Variants in ALPL observed in about 807,000 individuals in gnomAD.
The protein encoded by ALPL is alkaline phosphatase, tissue-nonspecific isozyme.
A neutral mutation model predicts 51.3 loss-of-function variants in ALPL; 42 were observed. The observed-to-expected ratio is 0.82, with a 90% confidence interval of 0.64 to 1.06. The LOEUF (loss-of-function observed/expected upper bound fraction) is 1.06, where lower values mean the gene tolerates loss of function less well. Among genes scored for constraint, ALPL ranks in the 50% least tolerant of loss-of-function variants. The pLI, the probability that ALPL is intolerant of heterozygous loss-of-function variation, is 0.00. For synonymous variants in ALPL, 279 were observed against 296.4 expected (o/e 0.94, Z 0.60); for missense variants, 589 against 709.4 (o/e 0.83, Z 1.93).
rs773092184 is a variant in ALPL at position 21,554,080 on chromosome 1, C to A, written c.-2C>A. The A allele has an allele frequency of 1.2e-6, 2 of 1,610,678 alleles. No individual in the cohort carries two copies. The highest frequency in any genetic ancestry group is 1.7e-6 in the Non-Finnish European group (2 of 1,178,158). ...GGGATAAAGCAGGTCTTGGGGTGCA[C>A]CATGATTTCACCATTCTTAGTACTG... On this transcript the variant is annotated 5_prime_UTR_variant, in exon 2 of 12. Coordinates refer to ENST00000374840, the MANE Select transcript of ALPL (RefSeq NM_000478.6).
intron 1 of ALPL, among the ~76,000 whole-genome samples, chr1:21,540,740 C>G (rs574840442): frequency 6.6e-6 from 1 of 152,302 alleles, no homozygotes; most frequent in South Asian, 2.1e-4. Flanking sequence ...AGTGTCCTCT[C>G]TCTCTCTCTG....
At chr1:21,517,136 TG>T (rs1261089811) in intron 1 of ALPL, among the ~76,000 whole-genome samples, 6 of 152,176 alleles carry the variant, frequency 3.9e-5, no homozygotes, top group Admixed American at 1.3e-4. Flanking sequence ...GTACTCGAGG[TG>T]TGGTTTCCAC....
intron 7 of ALPL, 70 bp downstream of exon 7, chr1:21,568,317 C>T: frequency 1.2e-6 from 2 of 1,605,592 alleles, no homozygotes; most frequent in South Asian, 2.2e-5. Context: ...GACCCCTGCT[C>T]TGAAGTTCTG....
chr1:21,534,360 G>A (rs1392781035), intron 1 of ALPL, among the ~76,000 whole-genome samples: 1 of 152,230 alleles, frequency 6.6e-6, no homozygotes, highest in African/African-American at 2.4e-5. Context: ...TTAGTGATAA[G>A]CCAGAAGTTA....
chr1:21,524,708 G>A (rs1008008074), intron 1 of ALPL, among the ~76,000 whole-genome samples: 1 of 152,182 alleles, frequency 6.6e-6, no homozygotes, highest in African/African-American at 2.4e-5. Context: ...TTTGGAGCCA[G>A]ATCTGGGGAG....
At chr1:21,518,462 C>T (rs1028580841) in intron 1 of ALPL, among the ~76,000 whole-genome samples, 1 of 151,970 alleles carries the variant, frequency 6.6e-6, no homozygotes, top group Non-Finnish European at 1.5e-5. Flanking sequence ...GTCGGAGCTA[C>T]GATTTGAATT....
At chr1:21,573,529 A>G (rs1644681048) in intron 8 of ALPL, 136 bp from the exon 9 acceptor site, 1 of 1,055,372 alleles carries the variant, frequency 9.5e-7, no homozygotes, top group Non-Finnish European at 1.4e-6. Flanking sequence ...CCAGATAAGG[A>G]TCCTCCCAGC....
chr1:21,547,191 C>T (rs1052170890), intron 1 of ALPL, among the ~76,000 whole-genome samples: 6 of 152,230 alleles, frequency 3.9e-5, no homozygotes, highest in Admixed American at 1.3e-4. Flanking sequence ...GAACAAGCAT[C>T]GGGCCCTCCC....
intron 8 of ALPL, 63 bp downstream of exon 8, chr1:21,570,437 G>T: frequency 1.3e-6 from 2 of 1,543,766 alleles, no homozygotes; most frequent in Non-Finnish European, 1.8e-6. Context: ...AGCTGCGTGT[G>T]GCCAGCACCT....
At position 21,529,652 on chromosome 1, in the gene ALPL, G is replaced by T. The variant is rs1262570602; in HGVS notation, c.-105+20135G>T. Among the ~76,000 whole-genome samples the T allele has an allele frequency of 3.3e-5, 5 of 152,120 alleles. No individual in the cohort carries two copies. In the South Asian group the frequency reaches 8.3e-4, roughly 25 times the overall value. ...ACTTATGTGTTTGTTATTTCAACTG[G>T]TTTTTCACATAGAGTGTTTCCACTG... On this transcript the variant is annotated intron_variant, in intron 1 of 11. Coordinates refer to ENST00000374840, the MANE Select transcript of ALPL (RefSeq NM_000478.6).
chr1:21,521,043 G>A (rs940598117), intron 1 of ALPL, among the ~76,000 whole-genome samples: 1 of 152,168 alleles, frequency 6.6e-6, no homozygotes, highest in Admixed American at 6.5e-5. Flanking sequence ...TCTAGAGCTT[G>A]CTTTGGATAT....
rs779322468 is a variant in ALPL, at chr1:21,568,156, T to G, written c.701T>G (p.Val234Gly). The change falls in exon 7 of 12, where the codon GTG (valine) becomes GGG (glycine). Residue 234 changes from valine to glycine, a missense_variant. Coordinates refer to ENST00000374840, the MANE Select transcript of ALPL (RefSeq NM_000478.6). ...ATGTACCCCAAGAATAAAACTGATGTGGAGTATGAGAGTGACGAGAAAGCC... is the reference window on the plus strand; with the variant it reads ...ATGTACCCCAAGAATAAAACTGATGGGGAGTATGAGAGTGACGAGAAAGCC... ...KYMYPKNKTDVEYESDEKARG... is the reference protein window; with the variant it reads ...KYMYPKNKTDGEYESDEKARG... The G allele has an allele frequency of 1.9e-6, 3 of 1,613,908 alleles. No homozygotes were observed. Among genetic ancestry groups the G allele is most frequent in the Non-Finnish European group, 2.5e-6 (3 of 1,179,972 alleles).
chr1:21,548,608 T>C (rs1644282963), intron 1 of ALPL, among the ~76,000 whole-genome samples: 1 of 152,136 alleles, frequency 6.6e-6, no homozygotes, highest in African/African-American at 2.4e-5. Flanking sequence ...TGCTCCCGGG[T>C]CACTACACTT....
chr1:21,540,405 G>A (rs1301388404), intron 1 of ALPL, among the ~76,000 whole-genome samples: 1 of 152,160 alleles, frequency 6.6e-6, no homozygotes, highest in African/African-American at 2.4e-5. Context: ...GGAGCCTCAG[G>A]GACCCCCAGA....
intron 1 of ALPL, among the ~76,000 whole-genome samples, chr1:21,545,346 A>G (rs1570235540): frequency 6.6e-6 from 1 of 152,058 alleles, no homozygotes; most frequent in Non-Finnish European, 1.5e-5. Flanking sequence ...GCTGGAGTAC[A>G]GCATTGTAAT....
rs1224693084 is a variant in ALPL at position 21,558,175 on chromosome 1, G to A, written c.62-2451G>A. On this transcript the variant is annotated intron_variant, in intron 2 of 11. Transcript: ENST00000374840. ...CTCTGGTGAAAAAGACAAGGACTCT[G>A]CCCTTGTGGGACTCCAGTCTAGAGA... is the stretch of plus-strand genomic sequence containing the variant. Among the ~76,000 whole-genome samples the A allele has an allele frequency of 2.0e-5, 3 of 152,214 alleles. No homozygotes were observed. The East Asian group carries it at 5.8e-4, about 29-fold the overall frequency.
At position 21,570,376 on chromosome 1, in the gene ALPL, T is replaced by C; in HGVS notation, c.862+2T>C. 2 of 1,613,762 alleles carry C rather than the reference T, an allele frequency of 1.2e-6. No homozygotes were observed. The highest frequency in any genetic ancestry group is 2.2e-5 in the South Asian group (2 of 91,060). On this transcript the variant is annotated splice_donor_variant, in intron 8 of 11. Transcript: ENST00000374840. LOFTEE classifies it high-confidence loss of function. The stretch of plus-strand genomic sequence containing the variant: ...CCCACAATGTGGACTACCTATTGGG[T>C]AAGTGGAGGGGGTGGAGGGGAGGAT...
At chr1:21,545,490 C>G (rs1262804004) in intron 1 of ALPL, among the ~76,000 whole-genome samples, 2 of 152,094 alleles carry the variant, frequency 1.3e-5, no homozygotes, top group Non-Finnish European at 2.9e-5. Context: ...AGGGTTTCAT[C>G]ATGTTGGCCA....
intron 1 of ALPL, among the ~76,000 whole-genome samples, chr1:21,515,183 T>C (rs977146931): frequency 1.3e-5 from 2 of 152,222 alleles, no homozygotes; most frequent in African/African-American, 4.8e-5. Flanking sequence ...TTTATGTTCT[T>C]TAAAAAAGTT....
Sources: gnomAD v4.1 joint callset for allele counts (sites outside exome capture counted in the v4.1 genomes callset) on GRCh38, gnomAD v4.1.1 for gene constraint, MANE v1.5 for transcripts, NCBI Gene and HGNC (gene_info 2026-07-23, HGNC 2026-07-21) for gene names.